Variants in PAPOLA observed in about 807,000 individuals in gnomAD.
The protein encoded by PAPOLA is polynucleotide adenylyltransferase alpha.
Under a neutral mutation model 100.6 loss-of-function variants are expected in PAPOLA, and 15 were observed. The observed-to-expected ratio is 0.15, with a 90% CI of 0.10 to 0.23. The LOEUF is 0.23. Ranked by LOEUF, PAPOLA falls within the 10% of genes least tolerant of loss-of-function variation. The probability of loss-of-function intolerance (pLI) is 1.00; values close to 1 mark genes in which losing one functional copy is unlikely to be tolerated. For synonymous variants in PAPOLA, 293 were observed against 300.0 expected, an observed-to-expected ratio of 0.98 and a Z score of 0.24; for missense variants, 533 against 884.2, an observed-to-expected ratio of 0.60 and a Z score of 5.04.
chr14:96,502,643 C>A, intron 1 of PAPOLA, 43 bp downstream of exon 1: 1 of 1,557,888 alleles, frequency 6.4e-7, no homozygotes, highest in Non-Finnish European at 8.7e-7. Flanking sequence ...GCCGGCTGGG[C>A]CTTGGGGGGC....
chr14:96,551,624 T>C (rs567500488), intron 16 of PAPOLA, among the ~76,000 whole-genome samples: 5 of 152,308 alleles, frequency 3.3e-5, no homozygotes, highest in African/African-American at 1.2e-4. Flanking sequence ...TTAAAATGTT[T>C]CTGTAGGTAA....
At chr14:96,542,679 G>A in intron 13 of PAPOLA, 95 bp from the exon 14 acceptor site, 4 of 1,158,586 alleles carry the variant, frequency 3.5e-6, no homozygotes, top group South Asian at 1.6e-5. Flanking sequence ...ATCTGTGGGA[G>A]TTCAGCTAGT....
intron 9 of PAPOLA, chr14:96,533,047 T>C: frequency 1.1e-5 from 11 of 982,882 alleles, no homozygotes; most frequent in Non-Finnish European, 1.3e-5. Context: ...TTTTTTTCTT[T>C]TTGCTTTCAG....
At chr14:96,544,097 A>G in intron 14 of PAPOLA, 52 bp from the exon 15 acceptor site, 1 of 935,994 alleles carries the variant, frequency 1.1e-6, no homozygotes, top group East Asian at 2.4e-5. Flanking sequence ...CCACACTGAT[A>G]GCTACATTTT....
At chr14:96,527,633 C>T (rs745937277) in intron 5 of PAPOLA, 94 bp downstream of exon 5, 5 of 726,274 alleles carry the variant, frequency 6.9e-6, no homozygotes, top group Non-Finnish European at 1.2e-5. Flanking sequence ...TTATTGAGTT[C>T]TTGCAATTTG....
chr14:96,513,014 T>C (rs556351062), intron 1 of PAPOLA, among the ~76,000 whole-genome samples: 1 of 152,368 alleles, frequency 6.6e-6, no homozygotes, highest in African/African-American at 2.4e-5. Context: ...TCTTCCAGTC[T>C]TTGCACCCAT....
rs1398439355 is a variant in PAPOLA at position 96,565,337 on chromosome 14, C to T, written c.*287C>T. On this transcript the variant is annotated 3_prime_UTR_variant, in exon 22 of 22. Transcript: ENST00000216277. Reference sequence around the variant, plus strand: ...CTATATTTGTATTCATAATTGACATCTGGATTGGGTTTATGTTTGATGCAT... The same window carrying T: ...CTATATTTGTATTCATAATTGACATTTGGATTGGGTTTATGTTTGATGCAT... 9.0e-6 allele frequency: 3 copies of T among 334,922 alleles called. No individual in the cohort carries two copies. Among genetic ancestry groups the T allele is most frequent in the African/African-American group, 4.1e-5 (2 of 48,308 alleles). 20.7% of individuals were successfully genotyped at this position (334,922 alleles called of 1,614,324 possible).
At chr14:96,541,176 C>T (rs1477483421) in intron 12 of PAPOLA, among the ~76,000 whole-genome samples, 3 of 152,158 alleles carry the variant, frequency 2.0e-5, no homozygotes, top group African/African-American at 7.2e-5. Flanking sequence ...GCGTGAGCCA[C>T]CACACCCGGC....
At chr14:96,534,829 A>G in intron 10 of PAPOLA, 2 of 1,164,460 alleles carry the variant, frequency 1.7e-6, no homozygotes, top group Non-Finnish European at 2.1e-6. Flanking sequence ...ATATAGAACT[A>G]CCTTGTAAGT....
At chr14:96,556,071 C>T in intron 18 of PAPOLA, 104 bp from the exon 19 acceptor site, 1 of 1,178,930 alleles carries the variant, frequency 8.5e-7, no homozygotes, top group Admixed American at 1.9e-5. Flanking sequence ...TTATTTTTTG[C>T]ATGTAAAGTT....
intron 10 of PAPOLA, chr14:96,534,985 A>T (rs1899394128): frequency 1.0e-6 from 1 of 985,306 alleles, no homozygotes; most frequent in Admixed American, 6.0e-5. Context: ...TATAACTTCT[A>T]AGCATTTTCA....
At chr14:96,560,756 A>G in intron 20 of PAPOLA, 45 bp downstream of exon 20, 5 of 1,146,332 alleles carry the variant, frequency 4.4e-6, no homozygotes, top group South Asian at 4.0e-5. Flanking sequence ...TTAAGAGTAC[A>G]GAAGATGTAA....
At chr14:96,530,377 T>G (rs973306590) in intron 6 of PAPOLA, among the ~76,000 whole-genome samples, 9 of 151,852 alleles carry the variant, frequency 5.9e-5, no homozygotes, top group Non-Finnish European at 1.3e-4. Context: ...TTGCCATGTT[T>G]GTTTGTTTTT....
At chr14:96,515,932 A>G (rs530666902) in intron 1 of PAPOLA, among the ~76,000 whole-genome samples, 7 of 152,344 alleles carry the variant, frequency 4.6e-5, no homozygotes, top group African/African-American at 1.7e-4. Context: ...TGGGATTGGT[A>G]GCTGTCTGGT....
intron 1 of PAPOLA, among the ~76,000 whole-genome samples, chr14:96,515,065 T>C (rs1230889905): frequency 6.6e-6 from 1 of 152,076 alleles, no homozygotes; most frequent in Non-Finnish European, 1.5e-5. Context: ...TGGAACCATG[T>C]GACAAAGGAG....
intron 10 of PAPOLA, chr14:96,535,124 A>G (rs1899406683): frequency 1.0e-6 from 1 of 972,744 alleles, no homozygotes; most frequent in African/African-American, 1.8e-5. Flanking sequence ...CCGCTTACTC[A>G]TTTTAAATGT....
chr14:96,529,816 A>G (rs1214513345), intron 6 of PAPOLA, among the ~76,000 whole-genome samples: 1 of 152,198 alleles, frequency 6.6e-6, no homozygotes, highest in Non-Finnish European at 1.5e-5. Context: ...TCATACCCTC[A>G]GGGATAACTA....
chr14:96,527,802 A>G, intron 5 of PAPOLA, 151 bp from the exon 6 acceptor site: 1 of 685,118 alleles, frequency 1.5e-6, no homozygotes, highest in South Asian at 1.7e-5. Context: ...GTGAAGTAAA[A>G]TATTTGAACC....
chr14:96,555,809 T>G, intron 17 of PAPOLA, 38 bp from the exon 18 acceptor site: 1 of 1,104,670 alleles, frequency 9.1e-7, no homozygotes, highest in Non-Finnish European at 1.3e-6. Flanking sequence ...TTTTCTATTT[T>G]TAAATTTTGA....
Sources: gnomAD v4.1 joint callset for allele counts (sites outside exome capture counted in the v4.1 genomes callset) on GRCh38, gnomAD v4.1.1 for gene constraint, MANE v1.5 for transcripts, NCBI Gene and HGNC (gene_info 2026-07-23, HGNC 2026-07-21) for gene names.